The following DSCAM variants were observed in gnomAD, a reference collection of about 807,000 sequenced individuals.
DSCAM encodes cell adhesion molecule DSCAM.
A neutral mutation model predicts 217.7 loss-of-function variants in DSCAM; 47 were observed. The observed-to-expected ratio is 0.22, with a 90% CI of 0.17 to 0.28. The LOEUF is 0.28. Among genes scored for constraint, DSCAM ranks in the 10% least tolerant of loss-of-function variants. DSCAM has a pLI of 1.00. For missense variants in DSCAM, 2,080 were observed against 2,618.3 expected, an observed-to-expected ratio of 0.79 and a Z score of 4.49; for synonymous variants, 1,056 against 1,015.3, an observed-to-expected ratio of 1.04 and a Z score of -0.76.
At chr21:40,706,197 G>A (rs28680945) in intron 2 of DSCAM, among the ~76,000 whole-genome samples, 23,047 of 134,256 alleles carry the variant, frequency 0.17, 2,246 homozygotes, top group African/African-American at 0.26. Context: ...AAAAAAAAAA[G>A]AAAGAAAGAA....
At chr21:40,476,103 G>A (rs2075933277) in intron 3 of DSCAM, among the ~76,000 whole-genome samples, 1 of 152,030 alleles carries the variant, frequency 6.6e-6, no homozygotes, top group Middle Eastern at 3.4e-3. Flanking sequence ...CTATAGGAGG[G>A]TCCCCATTTG....
intron 3 of DSCAM, among the ~76,000 whole-genome samples, chr21:40,594,425 G>T (rs76739010): frequency 0.044 from 6,645 of 152,208 alleles, 193 homozygotes; most frequent in Middle Eastern, 0.14. Context: ...TGTCGTTTCA[G>T]GAATATGACC....
At chr21:40,046,351 A>G (rs2088840397) in intron 30 of DSCAM, among the ~76,000 whole-genome samples, 1 of 152,186 alleles carries the variant, frequency 6.6e-6, no homozygotes, top group Non-Finnish European at 1.5e-5. Flanking sequence ...CTTGGTAAAT[A>G]TTCTCTGGGG....
intron 3 of DSCAM, among the ~76,000 whole-genome samples, chr21:40,517,904 G>A (rs948674326): frequency 2.3e-4 from 35 of 152,086 alleles, no homozygotes; most frequent in African/African-American, 8.2e-4. Flanking sequence ...CCAGCCCAGT[G>A]CTCTCATTTT....
intron 9 of DSCAM, among the ~76,000 whole-genome samples, chr21:40,296,831 CAAAAA>C (rs58219836): frequency 5.6e-4 from 30 of 53,814 alleles, no homozygotes; most frequent in African/African-American, 1.0e-3. Context: ...AACTCCATCT[CAAAAA>C]AAAAAAAAAA....
At chr21:40,349,474 T>C (rs1363126438) in intron 5 of DSCAM, among the ~76,000 whole-genome samples, 1 of 152,174 alleles carries the variant, frequency 6.6e-6, no homozygotes, top group African/African-American at 2.4e-5. Flanking sequence ...AGAAAACATT[T>C]ACTGAGCATC....
chr21:40,459,246 C>T (rs1374824128), intron 3 of DSCAM, among the ~76,000 whole-genome samples: 4 of 151,612 alleles, frequency 2.6e-5, no homozygotes, highest in Non-Finnish European at 4.4e-5. Context: ...AAGAACAAAA[C>T]AAAATTAGAA....
At chr21:40,211,618 G>C (rs1339044550) in intron 11 of DSCAM, among the ~76,000 whole-genome samples, 1 of 152,096 alleles carries the variant, frequency 6.6e-6, no homozygotes, top group East Asian at 1.9e-4. Flanking sequence ...TTGATGTGTA[G>C]ACCTATCCAC....
At chr21:40,044,054 G>T in intron 31 of DSCAM, 24 bp downstream of exon 31, 1 of 1,612,148 alleles carries the variant, frequency 6.2e-7, no homozygotes, top group Non-Finnish European at 8.5e-7. Flanking sequence ...CCCCAGGGAC[G>T]GAGGAGGCAG....
rs189493160 is a variant in DSCAM, at chr21:40,530,033, A to G, written c.509-160788T>C. Among the ~76,000 whole-genome samples, 246 of 152,324 alleles carry G rather than the reference A, an allele frequency of 1.6e-3. 1 individual carries two copies. Among genetic ancestry groups the G allele is most frequent in the African/African-American group, 5.6e-3 (232 of 41,568 alleles). On this transcript the variant is annotated intron_variant, in intron 3 of 32. Coordinates refer to ENST00000400454, the MANE Select transcript of DSCAM (RefSeq NM_001389.5). Reference sequence around the variant, plus strand: ...TGTTTATTTCAAGAGATGCCTTAACATGATGAAATAATAAGAACTGAACAC... The same window carrying G: ...TGTTTATTTCAAGAGATGCCTTAACGTGATGAAATAATAAGAACTGAACAC...
At chr21:40,559,803 TTTTC>T (rs1359362081) in intron 3 of DSCAM, among the ~76,000 whole-genome samples, 1 of 147,740 alleles carries the variant, frequency 6.8e-6, no homozygotes, top group Non-Finnish European at 1.5e-5. Flanking sequence ...TTTTTTTTTT[TTTTC>T]TTTGAGATGG....
intron 19 of DSCAM, among the ~76,000 whole-genome samples, chr21:40,131,860 G>T (rs185151597): frequency 3.7e-4 from 56 of 152,268 alleles, no homozygotes; most frequent in South Asian, 1.9e-3. Context: ...GGAGACAAAA[G>T]CAAAGCATAA....
chr21:40,258,235 T>C (rs754954101), intron 11 of DSCAM, among the ~76,000 whole-genome samples: 11 of 152,194 alleles, frequency 7.2e-5, no homozygotes, highest in Non-Finnish European at 1.3e-4. Flanking sequence ...GATCTTCTTC[T>C]ATGTCTGGCA....
At chr21:40,341,983 G>A (rs1255233524) in intron 6 of DSCAM, among the ~76,000 whole-genome samples, 2 of 152,050 alleles carry the variant, frequency 1.3e-5, no homozygotes, top group African/African-American at 4.8e-5. Flanking sequence ...TGCTGAAATT[G>A]GGTTTGTCTC....
chr21:40,428,616 TTTA>T (rs2075499847), intron 3 of DSCAM, among the ~76,000 whole-genome samples: 1 of 152,068 alleles, frequency 6.6e-6, no homozygotes, highest in Non-Finnish European at 1.5e-5. Flanking sequence ...TTATGAGTCT[TTTA>T]TAGAGTCTAA....
intron 9 of DSCAM, among the ~76,000 whole-genome samples, chr21:40,302,809 T>C (rs1221578694): frequency 6.6e-6 from 1 of 152,182 alleles, no homozygotes. Context: ...AAATGAAGGT[T>C]GTTTAAAACA....
At chr21:40,560,437 A>G (rs2076711521) in intron 3 of DSCAM, among the ~76,000 whole-genome samples, 1 of 152,162 alleles carries the variant, frequency 6.6e-6, no homozygotes, top group African/African-American at 2.4e-5. Context: ...TTCCCGGGGA[A>G]TATTCACAAG....
At chr21:40,082,041 C>T (rs1306909159) in intron 24 of DSCAM, among the ~76,000 whole-genome samples, 1 of 152,190 alleles carries the variant, frequency 6.6e-6, no homozygotes, top group Non-Finnish European at 1.5e-5. Flanking sequence ...CTCTAGTCAG[C>T]CTGGAACCTT....
At chr21:40,028,910 T>G (rs1171981683) in intron 32 of DSCAM, among the ~76,000 whole-genome samples, 1 of 151,838 alleles carries the variant, frequency 6.6e-6, no homozygotes, top group East Asian at 1.9e-4. Flanking sequence ...AGGGGTGCTC[T>G]CCCTTGAAAT....
Sources: allele counts gnomAD v4.1 joint callset (sites outside exome capture counted in the v4.1 genomes callset), GRCh38; gene constraint gnomAD v4.1.1; transcripts MANE v1.5; gene names NCBI Gene and HGNC (gene_info 2026-07-23, HGNC 2026-07-21).